Variants in HMCN2 observed in about 807,000 individuals in gnomAD.
The protein encoded by HMCN2 is hemicentin-2.
HMCN2 carries 325 observed loss-of-function variants against 377.5 expected under a neutral mutation model. That is an observed-to-expected ratio of 0.86 (90% CI 0.79 to 0.94). HMCN2 has a LOEUF of 0.94. HMCN2 is among the 40% of genes least tolerant of loss of function. The pLI, the probability that HMCN2 is intolerant of heterozygous loss-of-function variation, is 0.00. For synonymous variants in HMCN2, 2,007 were observed against 2,046.8 expected (o/e 0.98, Z 0.53); for missense variants, 4,543 against 4,725.3 (o/e 0.96, Z 1.13).
chr9:130,408,131 C>T (rs1323892219), intron 83 of HMCN2, among the ~76,000 whole-genome samples: 3 of 152,146 alleles, frequency 2.0e-5, no homozygotes, highest in African/African-American at 7.2e-5. Context: ...CAGGAGCCCT[C>T]GGTGACAACG....
At chr9:130,398,823 C>T (rs1842734487) in intron 75 of HMCN2, 116 bp downstream of exon 75, 8 of 913,142 alleles carry the variant, frequency 8.8e-6, no homozygotes, top group Non-Finnish European at 1.2e-5. Context: ...TCACCGGAGT[C>T]AGGACCAGAA....
At chr9:130,356,406 C>T (rs938587754) in intron 34 of HMCN2, 149 bp downstream of exon 34, 41 of 768,614 alleles carry the variant, frequency 5.3e-5, no homozygotes, top group African/African-American at 3.0e-4. Context: ...CCCACAGAGA[C>T]GCAGGTGTGA....
rs1375887656 is a variant in HMCN2, at chr9:130,343,193, C to T, written c.3829+757C>T. On this transcript the variant is annotated intron_variant, in intron 25 of 97. Coordinates refer to ENST00000683500, the MANE Select transcript of HMCN2 (RefSeq NM_001291815.2). ...ACCCAGAAGATCCCTCCTCAGCCCC[C>T]GCCACTGCCTCAGTTGCTTCTTTCG... is the stretch of plus-strand genomic sequence containing the variant. 3.3e-5 allele frequency among the ~76,000 whole-genome samples: 5 copies of T among 152,318 alleles called. No individual in the cohort carries two copies. The East Asian group carries it at 5.8e-4, about 18-fold the overall frequency.
intron 25 of HMCN2, among the ~76,000 whole-genome samples, chr9:130,342,773 G>A (rs1174748720): frequency 2.0e-5 from 3 of 152,238 alleles, no homozygotes; most frequent in African/African-American, 4.8e-5. Context: ...GAGGCAGCCC[G>A]GGGTCCTTGT....
At chr9:130,298,368 T>A (rs569474974) in intron 7 of HMCN2, among the ~76,000 whole-genome samples, 2 of 152,204 alleles carry the variant, frequency 1.3e-5, no homozygotes, top group South Asian at 2.1e-4. Flanking sequence ...CTACAAAATT[T>A]AAAAAATTAG....
intron 71 of HMCN2, among the ~76,000 whole-genome samples, chr9:130,395,713 G>A (rs1028931433): frequency 6.6e-6 from 1 of 152,146 alleles, no homozygotes; most frequent in African/African-American, 2.4e-5. Flanking sequence ...GTTCTGACAG[G>A]AACTCCAGAG....
At chr9:130,417,986 T>C (rs1204500518) in intron 85 of HMCN2, among the ~76,000 whole-genome samples, 1 of 152,166 alleles carries the variant, frequency 6.6e-6, no homozygotes, top group Non-Finnish European at 1.5e-5. Context: ...ACAGGAAGCA[T>C]CATCCCCATA....
intron 22 of HMCN2, among the ~76,000 whole-genome samples, chr9:130,334,789 CTCTCTCTCTCT>C (rs1838647199): frequency 3.4e-5 from 5 of 145,230 alleles, no homozygotes; most frequent in African/African-American, 1.1e-4. Flanking sequence ...CCCTCTTCCT[CTCTCTCTCTCT>C]TCTCTCTCTC....
chr9:130,397,498 C>T (rs1413256125), intron 73 of HMCN2, 30 bp from the exon 74 acceptor site: 6 of 1,288,588 alleles, frequency 4.7e-6, no homozygotes, highest in Admixed American at 4.6e-5. Context: ...CTGGCTTGCT[C>T]ATCTCCAGGG....
intron 6 of HMCN2, 36 bp from the exon 7 acceptor site, chr9:130,296,638 C>T (rs1489235408): frequency 2.1e-6 from 1 of 468,962 alleles, no homozygotes; most frequent in East Asian, 7.0e-5. Context: ...GCTGGGGTCC[C>T]ATCCTCTGGT....
intron 15 of HMCN2, among the ~76,000 whole-genome samples, chr9:130,312,752 A>C (rs1420980323): frequency 6.8e-6 from 1 of 148,126 alleles, no homozygotes; most frequent in African/African-American, 2.5e-5. Context: ...TGCAACCTCT[A>C]CCTCCTAGGT....
At position 130,377,748 on chromosome 9, in the gene HMCN2, G is replaced by C. The variant is rs144030305; in HGVS notation, c.8161G>C (p.Ala2721Pro). The change falls in exon 53 of 98, where the codon GCC becomes CCC. Residue 2721 changes from alanine to proline, a missense_variant. This residue lies in a region of HMCN2 where 736 missense variants were observed against 773.2 expected (regional missense o/e 0.95). Transcript: ENST00000683500. ...VSDSGRYLCVATNVAGEDDQD... is the reference protein window; with the variant it reads ...VSDSGRYLCVPTNVAGEDDQD... ...AGACTCGGGGCGGTACCTGTGTGTG[G>C]CCACCAATGTGGCTGGCGAGGACGA... 1 of 985,930 alleles carries C rather than the reference G, an allele frequency of 1.0e-6. No individual in the cohort carries two copies. The highest frequency in any genetic ancestry group is 1.2e-6 in the Non-Finnish European group (1 of 829,962). 61.1% of individuals were successfully genotyped at this position (985,930 alleles called of 1,614,324 possible). A position where few individuals can be genotyped will look rare whatever the true frequency, so the allele number is the denominator to read the frequency against.
At chr9:130,300,034 C>T (rs1836415563) in intron 8 of HMCN2, among the ~76,000 whole-genome samples, 2 of 151,864 alleles carry the variant, frequency 1.3e-5, no homozygotes, top group East Asian at 1.9e-4. Context: ...CATCCATCCA[C>T]TCACCCATTC....
intron 25 of HMCN2, among the ~76,000 whole-genome samples, chr9:130,345,360 ATGTGGTATG>A (rs1258268204): frequency 1.7e-5 from 2 of 119,544 alleles, no homozygotes; most frequent in African/African-American, 3.3e-5. Flanking sequence ...TGTGGTGTGT[ATGTGGTATG>A]TGTGGTATGT....
Position 130,266,029 on chromosome 9 carries a change from G to A in HMCN2, c.151G>A (p.Asp51Asn), listed in dbSNP as rs1554918803. 2.1e-6 allele frequency: 1 copy of A among 470,940 alleles called. No individual in the cohort carries two copies. The highest frequency in any genetic ancestry group is 2.3e-5 in the Admixed American group (1 of 42,580). The allele number at this position is 470,940 out of a possible 1,614,324, so 29.2% of individuals were successfully genotyped here. The change falls in exon 1 of 98, where the codon GAC becomes AAC. Residue 51 changes from aspartate to asparagine, a missense_variant. Around this residue, in one of 5 missense-constraint regions of HMCN2, gnomAD observed 547 missense variants for 189.9 expected, o/e 2.88. Transcript: ENST00000683500. ...FVFDVTGSMW[D>N]ELMQVIDGAS... ...CTTCGACGTCACCGGCTCCATGTGG[G>A]ACGAACTGATGCAGGTGATCGATGG...
In HMCN2 at chr9:130,393,040, G is replaced by C. The variant is rs189325203; in HGVS notation, c.10137-172G>C. Among the ~76,000 whole-genome samples the C allele has an allele frequency of 3.3e-5, 5 of 152,122 alleles. No homozygotes were observed. The East Asian group carries it at 9.7e-4, about 29-fold the overall frequency. On this transcript the variant is annotated intron_variant, in intron 66 of 97. Coordinates refer to ENST00000683500, the MANE Select transcript of HMCN2 (RefSeq NM_001291815.2). The surrounding 1 kb of genome is among the most constrained non-coding windows in gnomAD (Gnocchi z 5.2). ...AGAAAAAGAGAGAGTTTAAGCAAAG[G>C]CTGGGCTCAGTCACCCCGCCCCCTC...
Position 130,346,464 on chromosome 9 carries a change from G to A in HMCN2, c.3830-702G>A, listed in dbSNP as rs1358911603. Among the ~76,000 whole-genome samples the A allele has an allele frequency of 3.6e-4, 55 of 151,950 alleles. 1 individual carries two copies. Among genetic ancestry groups the A allele is most frequent in the Non-Finnish European group, 7.4e-5 (5 of 67,932 alleles). On this transcript the variant is annotated intron_variant, in intron 25 of 97. Transcript: ENST00000683500. ...AGGGGCTGGGGGATGTGGCACTCAC[G>A]GTGGGGCTGGAGGCAGGGGGGTGTG... is the stretch of plus-strand genomic sequence containing the variant.
Position 130,352,952 on chromosome 9 carries a change from C to T in HMCN2, c.4611C>T (p.Asn1537=), listed in dbSNP as rs1424819496. ...VHAPPTIWGS[N]ETGEVAVMED... ...CGCCCCCCACTATCTGGGGCTCCAA[C>T]GAGACAGGCGAGGTGGCCGTCATGG... The change falls in exon 31 of 98, where the codon AAC becomes AAT. Residue 1537 remains asparagine, a synonymous_variant. Coordinates refer to ENST00000683500, the MANE Select transcript of HMCN2 (RefSeq NM_001291815.2). 4.2e-5 allele frequency: 55 copies of T among 1,295,732 alleles called. No individual in the cohort carries two copies. Among genetic ancestry groups the T allele is most frequent in the Non-Finnish European group, 5.2e-5 (51 of 984,062 alleles). 80.3% of individuals were successfully genotyped at this position (1,295,732 alleles called of 1,614,324 possible).
chr9:130,368,961 CTGCCCCTCCCACACAGCT>C (rs1840857959), intron 44 of HMCN2, among the ~76,000 whole-genome samples: 11 of 152,178 alleles, frequency 7.2e-5, no homozygotes, highest in Admixed American at 7.2e-4. Context: ...GGCATTTTAA[CTGCCCCTCCCACACAGCT>C]TCTCACTAAC....
Sources: gnomAD v4.1 joint callset for allele counts (sites outside exome capture counted in the v4.1 genomes callset) on GRCh38, gnomAD v4.1.1 for gene constraint, gnomAD v4.1.1 regional missense constraint, Gnocchi (gnomAD v3.1) non-coding constraint, MANE v1.5 for transcripts, NCBI Gene and HGNC (gene_info 2026-07-23, HGNC 2026-07-21) for gene names.